CYLD: variants seen among roughly 807,000 people sequenced by gnomAD.
The protein encoded by CYLD is ubiquitin carboxyl-terminal hydrolase CYLD.
CYLD carries 26 observed loss-of-function variants against 104.5 expected under a neutral mutation model. The ratio of observed to expected loss-of-function variants is 0.25; its 90% CI spans 0.18 to 0.35. CYLD has a LOEUF of 0.35. CYLD is among the 10% of genes least tolerant of loss of function. CYLD has a pLI of 1.00. For missense variants in CYLD, 703 were observed against 1,136.1 expected, an observed-to-expected ratio of 0.62 and a Z score of 5.48; for synonymous variants, 385 against 399.9, an observed-to-expected ratio of 0.96 and a Z score of 0.45.
chr16:50,757,518 G>A (rs140880641), intron 5 of CYLD, among the ~76,000 whole-genome samples: 164 of 151,622 alleles, frequency 1.1e-3, no homozygotes, highest in African/African-American at 3.7e-3. Flanking sequence ...ATTTTACTTG[G>A]CAAAATTTAA....
At chr16:50,761,551 T>C (rs1967925310) in intron 5 of CYLD, among the ~76,000 whole-genome samples, 1 of 152,242 alleles carries the variant, frequency 6.6e-6, no homozygotes, top group African/African-American at 2.4e-5. Flanking sequence ...CATACATATG[T>C]CCTTTGGAGC....
Position 50,749,939 on chromosome 16 carries a change from G to T in CYLD, c.241G>T (p.Val81Phe), listed in dbSNP as rs916449502. ...GLKILEQPHA[V>F]LFVDEKDVVE... The stretch of plus-strand genomic sequence containing the variant: ...AAAAATTCTAGAGCAACCTCATGCA[G>T]TTCTCTTTGTTGATGAAAAGGATGT... The change falls in exon 3 of 19, where the codon GTT (valine) becomes TTT (phenylalanine). Residue 81 changes from valine (V) to phenylalanine (F), a missense_variant. This residue lies in a region of CYLD where 142 missense variants were observed against 165.1 expected (regional missense o/e 0.86). Transcript: ENST00000427738. The T allele has an allele frequency of 1.9e-6, 3 of 1,614,110 alleles. No individual in the cohort carries two copies. Among genetic ancestry groups the T allele is most frequent in the East Asian group, 2.2e-5 (1 of 44,888 alleles).
At chr16:50,774,351 C>G (rs1969447675) in intron 5 of CYLD, among the ~76,000 whole-genome samples, 1 of 152,232 alleles carries the variant, frequency 6.6e-6, no homozygotes, top group South Asian at 2.1e-4. Flanking sequence ...TCCAAGACCC[C>G]CAGTGGATAC....
chr16:50,781,550 G>A lies in CYLD; in HGVS notation c.1684+139G>A, dbSNP rs1039103637. The A allele has an allele frequency of 2.6e-5, 28 of 1,093,884 alleles. No homozygotes were observed. The African/African-American group carries it at 3.8e-4, about 15-fold the overall frequency. The allele number at this position is 1,093,884 out of a possible 1,614,324, so 67.8% of individuals were successfully genotyped here. ...CATTAAGCTTTAAATCAGTAAAAAT[G>A]TTGCATGGTGTATAAGAAAGTTGTT... On this transcript the variant is annotated intron_variant, in intron 10 of 18. Transcript: ENST00000427738.
intron 9 of CYLD, 42 bp from the exon 10 acceptor site, chr16:50,781,203 TG>T: frequency 6.2e-7 from 1 of 1,611,156 alleles, no homozygotes; most frequent in African/African-American, 1.3e-5. Flanking sequence ...ATACTATCTC[TG>T]TAAGGCACGG....
chr16:50,759,033 G>A (rs1446404745), intron 5 of CYLD, among the ~76,000 whole-genome samples: 2 of 152,152 alleles, frequency 1.3e-5, no homozygotes, highest in African/African-American at 4.8e-5. Context: ...GAGGTCAGGA[G>A]TTCGAGACCA....
chr16:50,800,718 G>A lies in CYLD; in HGVS notation c.*4210G>A, dbSNP rs961387739. 4.3e-6 allele frequency: 1 copy of A among 232,816 alleles called. No individual in the cohort carries two copies. The highest frequency in any genetic ancestry group is 5.6e-5 in the Admixed American group (1 of 17,774). 14.4% of individuals were successfully genotyped at this position (232,816 alleles called of 1,614,324 possible). On this transcript the variant is annotated 3_prime_UTR_variant, in exon 19 of 19. Transcript: ENST00000427738. ...TGAAAATTTAAAAATTATATGGGAA[G>A]ATTTTTCTCTGGGATAACAAATCCT...
intron 5 of CYLD, 21 bp from the exon 6 acceptor site, chr16:50,775,145 A>G (rs1424968935): frequency 1.3e-6 from 2 of 1,594,630 alleles, no homozygotes; most frequent in African/African-American, 1.3e-5. Flanking sequence ...TGTGGGTGAT[A>G]TCGTTTTTGC....
intron 5 of CYLD, among the ~76,000 whole-genome samples, chr16:50,756,635 C>T (rs1967276539): frequency 6.6e-6 from 1 of 152,180 alleles, no homozygotes. Flanking sequence ...ATAAAGCCAA[C>T]AGTGGCAGTC....
At chr16:50,776,717 T>G (rs1274084203) in intron 7 of CYLD, among the ~76,000 whole-genome samples, 3 of 152,242 alleles carry the variant, frequency 2.0e-5, no homozygotes, top group Non-Finnish European at 4.4e-5. Flanking sequence ...CCCAGAAGCT[T>G]CCTCACAATA....
In CYLD at chr16:50,770,623, G is replaced by C. The variant is rs546797128; in HGVS notation, c.914-4543G>C. Among the ~76,000 whole-genome samples the C allele has an allele frequency of 1.2e-4, 18 of 151,694 alleles. No homozygotes were observed. The South Asian group carries it at 3.8e-3, about 32-fold the overall frequency. ...GCGCCCCCGAGCCCAGCTAATTTTTGTGTTCTTAGTAGAGAGAGGGTTTCA... is the reference window on the plus strand; with the variant it reads ...GCGCCCCCGAGCCCAGCTAATTTTTCTGTTCTTAGTAGAGAGAGGGTTTCA... On this transcript the variant is annotated intron_variant, in intron 5 of 18. Transcript: ENST00000427738.
chr16:50,752,018 G>A (rs1966676051), intron 4 of CYLD, 112 bp downstream of exon 4: 5 of 277,496 alleles, frequency 1.8e-5, no homozygotes, highest in Non-Finnish European at 2.9e-5. Flanking sequence ...ACATATATAT[G>A]TATAGTTTAT....
chr16:50,757,182 G>A (rs1386508175), intron 5 of CYLD, among the ~76,000 whole-genome samples: 1 of 151,522 alleles, frequency 6.6e-6, no homozygotes, highest in African/African-American at 2.4e-5. Flanking sequence ...TGATTCTTAA[G>A]GTTCCTTTTA....
At chr16:50,788,174 T>C (rs767585078) in intron 14 of CYLD, among the ~76,000 whole-genome samples, 11 of 152,214 alleles carry the variant, frequency 7.2e-5, no homozygotes, top group Non-Finnish European at 1.5e-4. Context: ...AGAAAAAATA[T>C]CTCATTCTAA....
chr16:50,765,308 A>G (rs1460323309), intron 5 of CYLD, among the ~76,000 whole-genome samples: 3 of 152,096 alleles, frequency 2.0e-5, no homozygotes, highest in African/African-American at 7.2e-5. Context: ...GTGATCTGTA[A>G]TCAATGATCT....
intron 1 of CYLD, 69 bp downstream of exon 1, chr16:50,742,193 A>G (rs1965718665): frequency 6.6e-6 from 1 of 151,272 alleles, no homozygotes; most frequent in African/African-American, 2.4e-5. Flanking sequence ...AGCCGGGGCG[A>G]GGGGCGACGC....
In CYLD at chr16:50,779,885, C is replaced by T. The variant is rs747104132; in HGVS notation, c.1359C>T (p.Pro453=). The change falls in exon 9 of 19, where the codon CCC becomes CCT. Residue 453 remains proline, a synonymous_variant. Coordinates refer to ENST00000427738, the MANE Select transcript of CYLD (RefSeq NM_001378743.1). ...TAATGGAAGAGCTAAACACTGCACC[C>T]GTCCAAGAGAGTCCACCCTTGGCCA... ...QSVMEELNTA[P]VQESPPLAMP... is the part of the protein sequence containing the mutation. The T allele has an allele frequency of 4.3e-6, 7 of 1,613,976 alleles. No homozygotes were observed. The highest frequency in any genetic ancestry group is 3.3e-5 in the South Asian group (3 of 91,072).
chr16:50,797,696 T>C lies in CYLD; in HGVS notation c.*1188T>C, dbSNP rs956470807. 1.3e-5 allele frequency: 3 copies of C among 232,916 alleles called. No homozygotes were observed. The highest frequency in any genetic ancestry group is 6.6e-5 in the African/African-American group (3 of 45,340). 14.4% of individuals were successfully genotyped at this position (232,916 alleles called of 1,614,324 possible). ...AGTGTTGTTTTGTGGTATCATTGTC[T>C]TTCCTGAATGACTTTCTAACTGTGC... On this transcript the variant is annotated 3_prime_UTR_variant, in exon 19 of 19. Coordinates refer to ENST00000427738, the MANE Select transcript of CYLD (RefSeq NM_001378743.1).
intron 5 of CYLD, among the ~76,000 whole-genome samples, chr16:50,758,095 A>G (rs1967473810): frequency 6.6e-6 from 1 of 152,184 alleles, no homozygotes; most frequent in South Asian, 2.1e-4. Context: ...CAATTACATG[A>G]TAATAAGATG....
Sources: allele counts gnomAD v4.1 joint callset (sites outside exome capture counted in the v4.1 genomes callset), GRCh38; gene constraint gnomAD v4.1.1; regional missense constraint gnomAD v4.1.1; transcripts MANE v1.5; gene names NCBI Gene and HGNC (gene_info 2026-07-23, HGNC 2026-07-21).